Variants in FBXL20 observed in about 807,000 individuals in gnomAD.
FBXL20 encodes F-box and leucine rich repeat protein 20.
Under a neutral mutation model 64.0 loss-of-function variants are expected in FBXL20, and 11 were observed. That is an observed-to-expected ratio of 0.17 (90% CI 0.11 to 0.28). The LOEUF is 0.28. FBXL20 is among the 10% of genes least tolerant of loss of function. FBXL20 has a pLI of 1.00. For missense variants in FBXL20, 303 were observed against 526.2 expected (o/e 0.58, Z 4.15); for synonymous variants, 184 against 189.0 (o/e 0.97, Z 0.22).
intron 1 of FBXL20, among the ~76,000 whole-genome samples, chr17:39,396,859 C>T (rs544565055): frequency 3.2e-4 from 48 of 148,378 alleles, no homozygotes; most frequent in African/African-American, 1.1e-3. Context: ...CGGGAGGCTG[C>T]GGCAGGAGAA....
Position 39,387,277 on chromosome 17 carries a change from C to CTT in FBXL20, c.42+14082_42+14083dup, listed in dbSNP as rs34511500. Among the ~76,000 whole-genome samples the CTT allele has an allele frequency of 1.5e-3, 189 of 125,986 alleles. 1 individual carries two copies. The highest frequency in any genetic ancestry group is 3.0e-3 in the Admixed American group (37 of 12,226). 82.7% of individuals were successfully genotyped at this position (125,986 alleles called of 152,430 possible). Reference sequence around the variant, plus strand: ...TGGTGGGTTAGGTGTATTAACTGCACTTTTTTTTTTTTTTTTTTTGAGACA... The same window carrying CTT: ...TGGTGGGTTAGGTGTATTAACTGCACTTTTTTTTTTTTTTTTTTTTTGAGACA... On this transcript the variant is annotated intron_variant, in intron 1 of 14. Transcript: ENST00000264658.
At chr17:39,283,742 G>A (rs968466877) in intron 7 of FBXL20, among the ~76,000 whole-genome samples, 4 of 152,070 alleles carry the variant, frequency 2.6e-5, no homozygotes, top group South Asian at 2.1e-4. Flanking sequence ...TCTTATGTCC[G>A]ATCTCTGCCT....
chr17:39,304,638 T>A (rs1467699921), intron 2 of FBXL20, among the ~76,000 whole-genome samples: 3 of 151,654 alleles, frequency 2.0e-5, no homozygotes, highest in Non-Finnish European at 4.4e-5. Context: ...GTCACCCAGG[T>A]TGGAATGCAG....
chr17:39,342,275 G>C (rs898996382), intron 2 of FBXL20, among the ~76,000 whole-genome samples: 2 of 152,030 alleles, frequency 1.3e-5, no homozygotes, highest in East Asian at 1.9e-4. Context: ...CCTCAAGTGA[G>C]CTACTGTAGG....
chr17:39,391,251 C>CA (rs746792198), intron 1 of FBXL20, among the ~76,000 whole-genome samples: 1,776 of 59,642 alleles, frequency 0.03, 9 homozygotes, highest in African/African-American at 0.037. Flanking sequence ...CCACCTGTCT[C>CA]AAAAAAAAAA....
At chr17:39,346,748 T>A (rs1308692210) in intron 1 of FBXL20, among the ~76,000 whole-genome samples, 1 of 152,078 alleles carries the variant, frequency 6.6e-6, no homozygotes, top group East Asian at 1.9e-4. Context: ...AACATGCAGG[T>A]TTATTACATA....
intron 6 of FBXL20, among the ~76,000 whole-genome samples, chr17:39,289,322 G>C (rs1178486088): frequency 6.6e-6 from 1 of 152,138 alleles, no homozygotes; most frequent in Non-Finnish European, 1.5e-5. Context: ...GAACTGCACT[G>C]AATCTGTAGA....
intron 14 of FBXL20, among the ~76,000 whole-genome samples, chr17:39,263,330 C>A (rs906513316): frequency 1.3e-5 from 2 of 152,136 alleles, no homozygotes; most frequent in African/African-American, 4.8e-5. Context: ...GCCTGGGCAA[C>A]ATGGTAAAAT....
In FBXL20 at chr17:39,361,948, T is replaced by C. The variant is rs1242328736; in HGVS notation, c.43-18707A>G. On this transcript the variant is annotated intron_variant, in intron 1 of 14. Transcript: ENST00000264658. ...CCCCATCTCTAATATTTAAAAAGAG[T>C]AAAGTTTTAAAAATGCTTTTGGATT... 2.1e-5 allele frequency among the ~76,000 whole-genome samples: 3 copies of C among 144,522 alleles called. No homozygotes were observed. In the East Asian group the frequency reaches 6.2e-4, roughly 30 times the overall value. The allele number at this position is 144,522 out of a possible 152,430, so 94.8% of individuals were successfully genotyped here.
chr17:39,277,151 T>C (rs959828325), intron 9 of FBXL20, among the ~76,000 whole-genome samples: 1 of 152,232 alleles, frequency 6.6e-6, no homozygotes. Flanking sequence ...CAATATCATG[T>C]AGCTGACACA....
chr17:39,313,480 G>A (rs2047255863), intron 2 of FBXL20, among the ~76,000 whole-genome samples: 2 of 151,828 alleles, frequency 1.3e-5, no homozygotes, highest in African/African-American at 2.4e-5. Context: ...TGATCCGCCC[G>A]CCTCGGCCTC....
chr17:39,335,582 CAAA>C (rs36023380), intron 2 of FBXL20, among the ~76,000 whole-genome samples: 6 of 77,348 alleles, frequency 7.8e-5, no homozygotes, highest in Admixed American at 1.6e-4. Flanking sequence ...GACTCCGTCT[CAAA>C]AAAAAAAAAA....
chr17:39,322,506 A>C (rs931904851), intron 2 of FBXL20, among the ~76,000 whole-genome samples: 2 of 152,096 alleles, frequency 1.3e-5, no homozygotes, highest in East Asian at 1.9e-4. Context: ...TTTTAATTTG[A>C]CTAAATACTA....
rs117043312 is a variant in FBXL20 at position 39,332,521 on chromosome 17, G to A, written c.104+10659C>T. Among the ~76,000 whole-genome samples, 6 of 142,088 alleles carry A rather than the reference G, an allele frequency of 4.2e-5. No individual in the cohort carries two copies. In the East Asian group the frequency reaches 1.3e-3, roughly 30 times the overall value. The allele number at this position is 142,088 out of a possible 152,430, so 93.2% of individuals were successfully genotyped here. ...TACCTGTGCACCTTTCCCCTTTGCT[G>A]ATTTTTCTTTGTATCTTTTTTTTTT... is the stretch of plus-strand genomic sequence containing the variant. On this transcript the variant is annotated intron_variant, in intron 2 of 14. Coordinates refer to ENST00000264658, the MANE Select transcript of FBXL20 (RefSeq NM_032875.3).
chr17:39,308,925 G>A (rs1366892257), intron 2 of FBXL20, among the ~76,000 whole-genome samples: 2 of 151,956 alleles, frequency 1.3e-5, no homozygotes, highest in South Asian at 2.1e-4. Context: ...AGTATTATAG[G>A]CATAGCCTTG....
chr17:39,306,562 C>A, intron 2 of FBXL20, among the ~76,000 whole-genome samples: 1 of 152,102 alleles, frequency 6.6e-6, no homozygotes, highest in Non-Finnish European at 1.5e-5. Context: ...AATCATTTGA[C>A]CATATATGTG....
At chr17:39,337,327 G>A (rs140513518) in intron 2 of FBXL20, among the ~76,000 whole-genome samples, 2 of 151,898 alleles carry the variant, frequency 1.3e-5, no homozygotes, top group South Asian at 4.2e-4. Context: ...GTGTGATCTC[G>A]GCTCGCTACA....
At position 39,282,733 on chromosome 17, in the gene FBXL20, G is replaced by T; in HGVS notation, c.617C>A (p.Thr206Lys). Reference sequence around the variant, plus strand: ...GAGCCCTACATGGAGTATTACCTGCGTGCAGCCTTTTAAGAATAAGGCCTT... The same window carrying T: ...GAGCCCTACATGGAGTATTACCTGCTTGCAGCCTTTTAAGAATAAGGCCTT... Reference protein sequence around the residue: ...GLKALFLKGCTQLEDEALKYI... With the variant: ...GLKALFLKGCKQLEDEALKYI... Residue 206 changes from threonine (T) to lysine (K), a missense_variant, in exon 8 of 15, where the codon ACG becomes AAG. By Grantham distance (78) the Thr-to-Lys change is moderately conservative. Coordinates refer to ENST00000264658, the MANE Select transcript of FBXL20 (RefSeq NM_032875.3). 4 of 1,614,040 alleles carry T rather than the reference G, an allele frequency of 2.5e-6. No homozygotes were observed. The highest frequency in any genetic ancestry group is 3.4e-6 in the Non-Finnish European group (4 of 1,180,004).
chr17:39,316,983 C>T (rs1200411329), intron 2 of FBXL20, among the ~76,000 whole-genome samples: 1 of 152,146 alleles, frequency 6.6e-6, no homozygotes, highest in Non-Finnish European at 1.5e-5. Context: ...AGTGAGACTC[C>T]ATCTCATTTA....
Sources: gnomAD v4.1 joint callset for allele counts (sites outside exome capture counted in the v4.1 genomes callset) on GRCh38, gnomAD v4.1.1 for gene constraint, MANE v1.5 for transcripts, NCBI Gene and HGNC (gene_info 2026-07-23, HGNC 2026-07-21) for gene names.